The following TMEM108 variants were observed in gnomAD, a reference collection of about 807,000 sequenced individuals.
TMEM108 encodes cancer/testis antigen 124.
Under a neutral mutation model 35.1 loss-of-function variants are expected in TMEM108, and 12 were observed. That is an observed-to-expected ratio of 0.34 (90% confidence interval 0.22 to 0.55). The LOEUF is 0.55. Ranked by LOEUF, TMEM108 falls within the 20% of genes least tolerant of loss-of-function variation. The pLI is 0.89. For missense variants in TMEM108, 680 were observed against 753.3 expected (o/e 0.90, Z 1.14); for synonymous variants, 287 against 308.6 (o/e 0.93, Z 0.73).
chr3:133,071,393 T>G (rs1267066542), intron 2 of TMEM108, among the ~76,000 whole-genome samples: 1 of 152,162 alleles, frequency 6.6e-6, no homozygotes, highest in African/African-American at 2.4e-5. Context: ...CTTCCTCTTA[T>G]GAGAACACCA....
intron 2 of TMEM108, among the ~76,000 whole-genome samples, chr3:133,156,305 T>C (rs1265757259): frequency 6.6e-6 from 1 of 152,170 alleles, no homozygotes; most frequent in Admixed American, 6.5e-5. Context: ...CAAGGAACTA[T>C]GTGACAATAT....
At chr3:133,198,291 A>T (rs1945609101) in intron 2 of TMEM108, among the ~76,000 whole-genome samples, 1 of 152,016 alleles carries the variant, frequency 6.6e-6, no homozygotes, top group Non-Finnish European at 1.5e-5. Context: ...CACTAGATAG[A>T]TGTGGTCAAT....
chr3:133,341,737 C>T (rs570293719), intron 3 of TMEM108, among the ~76,000 whole-genome samples: 1 of 151,894 alleles, frequency 6.6e-6, no homozygotes, highest in African/African-American at 2.4e-5. Context: ...CATGCATCTA[C>T]AATGAACTCA....
intron 2 of TMEM108, among the ~76,000 whole-genome samples, chr3:133,094,693 ACTTGT>A (rs1412399977): frequency 6.6e-6 from 1 of 151,978 alleles, no homozygotes; most frequent in East Asian, 1.9e-4. Flanking sequence ...CACCTTTTCC[ACTTGT>A]CTTGTTTGTA....
rs531365305 is a variant in TMEM108 at position 133,312,809 on chromosome 3, T to C, written c.41-66943T>C. The stretch of plus-strand genomic sequence containing the variant: ...ATGCAGAAATCACCCATCTTCTGCA[T>C]CGATCACGCTGGGAGCTGCAGACCA... On this transcript the variant is annotated intron_variant, in intron 3 of 5. Transcript: ENST00000321871. Among the ~76,000 whole-genome samples the C allele has an allele frequency of 4.7e-4, 72 of 152,314 alleles. 1 individual carries two copies. Among genetic ancestry groups the C allele is most frequent in the Middle Eastern group, 3.4e-3 (1 of 294 alleles).
chr3:133,057,867 T>G (rs980551365), intron 2 of TMEM108, among the ~76,000 whole-genome samples: 3 of 152,206 alleles, frequency 2.0e-5, no homozygotes, highest in Non-Finnish European at 4.4e-5. Context: ...GCATGAGCAC[T>G]GATGATGGAG....
intron 2 of TMEM108, among the ~76,000 whole-genome samples, chr3:133,164,799 T>C (rs1229418418): frequency 1.3e-5 from 2 of 152,172 alleles, no homozygotes; most frequent in African/African-American, 4.8e-5. Context: ...TTGTGAACTT[T>C]AAATGTTCAC....
intron 1 of TMEM108, among the ~76,000 whole-genome samples, chr3:133,044,933 T>C (rs1015611353): frequency 1.3e-5 from 2 of 151,670 alleles, no homozygotes; most frequent in Admixed American, 1.3e-4. Context: ...AGTGAGACCC[T>C]GTCTCTTAAA....
intron 3 of TMEM108, among the ~76,000 whole-genome samples, chr3:133,308,186 C>T (rs2071071118): frequency 6.6e-6 from 1 of 152,078 alleles, no homozygotes; most frequent in Admixed American, 6.5e-5. Flanking sequence ...TATAGGAATG[C>T]TTGTGATTTT....
chr3:133,138,932 A>G (rs1944603098), intron 2 of TMEM108, among the ~76,000 whole-genome samples: 1 of 151,404 alleles, frequency 6.6e-6, no homozygotes, highest in Non-Finnish European at 1.5e-5. Flanking sequence ...CCACCCCCCA[A>G]CAGGCCCCTG....
chr3:133,305,031 C>T (rs1947282251), intron 3 of TMEM108, among the ~76,000 whole-genome samples: 1 of 152,104 alleles, frequency 6.6e-6, no homozygotes, highest in Non-Finnish European at 1.5e-5. Context: ...TACGGTAAGC[C>T]AAGATCGCAC....
At chr3:133,230,423 T>A (rs1237527011) in intron 3 of TMEM108, among the ~76,000 whole-genome samples, 1 of 152,184 alleles carries the variant, frequency 6.6e-6, no homozygotes, top group Non-Finnish European at 1.5e-5. Context: ...AGTCGCCAAG[T>A]GTTATAGGGA....
At chr3:133,394,421 C>T (rs1404490285) in intron 5 of TMEM108, among the ~76,000 whole-genome samples, 1 of 152,198 alleles carries the variant, frequency 6.6e-6, no homozygotes, top group East Asian at 1.9e-4. Context: ...CCACCTCCTC[C>T]TCCTCCTTCT....
chr3:133,221,708 T>C (rs1945995651), intron 2 of TMEM108, among the ~76,000 whole-genome samples: 1 of 148,804 alleles, frequency 6.7e-6, no homozygotes, highest in African/African-American at 2.4e-5. Flanking sequence ...CACTATAGTA[T>C]TTTGCTTTGT....
intron 2 of TMEM108, among the ~76,000 whole-genome samples, chr3:133,186,381 T>C (rs1945421400): frequency 6.6e-6 from 1 of 152,280 alleles, no homozygotes; most frequent in Non-Finnish European, 1.5e-5. Context: ...TACTGTTCTA[T>C]TATAAATGCA....
At chr3:133,308,865 A>T (rs137990690) in intron 3 of TMEM108, among the ~76,000 whole-genome samples, 6,669 of 152,250 alleles carry the variant, frequency 0.044, 190 homozygotes, top group Non-Finnish European at 0.064. Context: ...TCAGGATGAT[A>T]CTGGCCTCAT....
At chr3:133,278,184 C>T (rs1244435270) in intron 3 of TMEM108, among the ~76,000 whole-genome samples, 1 of 152,166 alleles carries the variant, frequency 6.6e-6, no homozygotes, top group Non-Finnish European at 1.5e-5. Context: ...CCTCACAAGA[C>T]ATGGGAAGTA....
intron 5 of TMEM108, among the ~76,000 whole-genome samples, chr3:133,392,140 CTTTT>C (rs548497085): frequency 1.3e-4 from 18 of 140,754 alleles, no homozygotes; most frequent in Non-Finnish European, 6.3e-5. Flanking sequence ...CACTTCTCTT[CTTTT>C]TTTTTTTTTT....
At chr3:133,236,226 T>A (rs1016577637) in intron 3 of TMEM108, among the ~76,000 whole-genome samples, 16 of 152,242 alleles carry the variant, frequency 1.1e-4, no homozygotes, top group African/African-American at 3.9e-4. Context: ...TGCTAGCTCA[T>A]TCATGCACCC....
Sources: allele counts gnomAD v4.1 joint callset (sites outside exome capture counted in the v4.1 genomes callset), GRCh38; gene constraint gnomAD v4.1.1; transcripts MANE v1.5; gene names NCBI Gene and HGNC (gene_info 2026-07-23, HGNC 2026-07-21).